Variants in FAM53B observed in about 807,000 individuals in gnomAD.
FAM53B encodes the protein family with sequence similarity 53 member B, also known as protein FAM53B.
A neutral mutation model predicts 32.7 loss-of-function variants in FAM53B; 12 were observed. That is an observed-to-expected ratio of 0.37 (90% CI 0.24 to 0.59). The LOEUF is 0.59. Among genes scored for constraint, FAM53B ranks in the 20% least tolerant of loss-of-function variants. The pLI is 0.72. For synonymous variants in FAM53B, 234 were observed against 228.7 expected (o/e 1.02, Z -0.21); for missense variants, 477 against 577.7 (o/e 0.83, Z 1.79).
At chr10:124,742,208 C>G (rs759184236) in intron 1 of FAM53B, among the ~76,000 whole-genome samples, 2 of 152,216 alleles carry the variant, frequency 1.3e-5, no homozygotes, top group Non-Finnish European at 2.9e-5. Context: ...AGTGCAGACA[C>G]AGAGTCAAGG....
At chr10:124,720,661 C>T (rs1050135498) in intron 1 of FAM53B, among the ~76,000 whole-genome samples, 2 of 152,166 alleles carry the variant, frequency 1.3e-5, no homozygotes, top group Non-Finnish European at 2.9e-5. Context: ...GCCTGCGTGG[C>T]AGGCAACTGT....
At chr10:124,732,251 G>A (rs557978308) in intron 1 of FAM53B, among the ~76,000 whole-genome samples, 74 of 152,304 alleles carry the variant, frequency 4.9e-4, no homozygotes, top group African/African-American at 1.8e-3. Context: ...CTCCAACAGC[G>A]CCCAAAGCCT....
At chr10:124,625,862 C>T (rs1238326306) in intron 4 of FAM53B, among the ~76,000 whole-genome samples, 1 of 152,224 alleles carries the variant, frequency 6.6e-6, no homozygotes, top group Non-Finnish European at 1.5e-5. Flanking sequence ...TAGGGTGAGG[C>T]CAGGATGCGT....
rs528252523 is a variant in FAM53B, at chr10:124,693,624, C to A, written c.133+2534G>T. 1.4e-4 allele frequency among the ~76,000 whole-genome samples: 21 copies of A among 152,218 alleles called. No homozygotes were observed. The South Asian group carries it at 4.4e-3, about 32-fold the overall frequency. On this transcript the variant is annotated intron_variant, in intron 3 of 4. Transcript: ENST00000337318. ...GGGTAAGGCTCCTGACTGCTGACAC[C>A]CGCTCCGCTCCAGCAAGCGCAGGAA...
intron 4 of FAM53B, among the ~76,000 whole-genome samples, chr10:124,649,830 G>C (rs544069806): frequency 1.3e-5 from 2 of 151,986 alleles, no homozygotes; most frequent in Admixed American, 6.6e-5. Flanking sequence ...CCAAATATAC[G>C]TAAGTCCCCA....
intron 3 of FAM53B, among the ~76,000 whole-genome samples, chr10:124,692,930 G>A (rs1310494925): frequency 6.6e-6 from 1 of 152,058 alleles, no homozygotes; most frequent in Non-Finnish European, 1.5e-5. Flanking sequence ...TCCCAGCGAG[G>A]ACCCTGGCAT....
At position 124,648,758 on chromosome 10, in the gene FAM53B, C is replaced by G. The variant is rs577601007; in HGVS notation, c.907-25154G>C. 1.2e-4 allele frequency among the ~76,000 whole-genome samples: 18 copies of G among 152,384 alleles called. No homozygotes were observed. In the East Asian group the frequency reaches 3.5e-3, roughly 29 times the overall value. On this transcript the variant is annotated intron_variant, in intron 4 of 4. Transcript: ENST00000337318. ...CCTACAGATGAAACAGAACTCAGAG[C>G]TAGTCCACCTGTCCCGCCTGTTCGG...
rs1384928054 is a variant in FAM53B, at chr10:124,681,946, T to C, written c.567A>G (p.Arg189=). The change falls in exon 4 of 5, where the codon CGA becomes CGG. Residue 189 remains arginine, a synonymous_variant. Coordinates refer to ENST00000337318, the MANE Select transcript of FAM53B (RefSeq NM_014661.4). ...CCCCTTGGCAGGGCTGCCCTCCAAA[T>C]CGGTGGTGGAGTCCTGCCTGGTCGC... ...SPCDQAGLHH[R]FGGQPCQGVP... is the part of the protein sequence containing the mutation. 6.2e-7 allele frequency: 1 copy of C among 1,613,834 alleles called. No homozygotes were observed. Among genetic ancestry groups the C allele is most frequent in the Non-Finnish European group, 8.5e-7 (1 of 1,179,992 alleles).
chr10:124,645,386 G>A (rs1023950470), intron 4 of FAM53B, among the ~76,000 whole-genome samples: 92 of 152,208 alleles, frequency 6.0e-4, no homozygotes, highest in African/African-American at 2.2e-3. Context: ...AGGCCCTGCT[G>A]AGAGATGCAA....
intron 3 of FAM53B, among the ~76,000 whole-genome samples, chr10:124,691,812 G>A (rs528489603): frequency 6.6e-6 from 1 of 152,336 alleles, no homozygotes; most frequent in Admixed American, 6.5e-5. Context: ...AAGATGTGGA[G>A]GGAGCCTTGA....
At position 124,620,612 on chromosome 10, in the gene FAM53B, C is replaced by T. The variant is rs991777900; in HGVS notation, c.*2630G>A. 1 of 152,288 alleles carries T rather than the reference C, an allele frequency of 6.6e-6. No homozygotes were observed. The highest frequency in any genetic ancestry group is 1.9e-4 in the East Asian group (1 of 5,190). The allele number at this position is 152,288 out of a possible 1,614,324, so 9.4% of individuals were successfully genotyped here. ...ATGTGGGGGGCACCTCCTAGGCGAA[C>T]CTCCCTCCCAGAGGACTGAGATCAG... is the stretch of plus-strand genomic sequence containing the variant. On this transcript the variant is annotated 3_prime_UTR_variant, in exon 5 of 5. Transcript: ENST00000337318.
At chr10:124,696,010 C>T in intron 3 of FAM53B, 148 bp downstream of exon 3, 2 of 679,090 alleles carry the variant, frequency 2.9e-6, no homozygotes, top group East Asian at 2.5e-5. Flanking sequence ...CCGTAGGGGA[C>T]CAAAATAGTT....
intron 1 of FAM53B, among the ~76,000 whole-genome samples, chr10:124,715,715 T>G (rs1950035062): frequency 6.6e-6 from 1 of 152,208 alleles, no homozygotes; most frequent in South Asian, 2.1e-4. Context: ...TCAGCCCAGC[T>G]CAGTCCCAGA....
chr10:124,677,850 C>A (rs1007923897), intron 4 of FAM53B, among the ~76,000 whole-genome samples: 2 of 152,180 alleles, frequency 1.3e-5, no homozygotes, highest in African/African-American at 2.4e-5. Flanking sequence ...TATTTCCACC[C>A]TAGTTTCAAG....
chr10:124,725,772 G>A (rs1950098559), intron 1 of FAM53B, among the ~76,000 whole-genome samples: 2 of 152,248 alleles, frequency 1.3e-5, no homozygotes, highest in South Asian at 2.1e-4. Context: ...CACGGTGAGA[G>A]TGTGAGGACA....
At chr10:124,702,931 C>T (rs1949925448) in intron 2 of FAM53B, among the ~76,000 whole-genome samples, 1 of 152,138 alleles carries the variant, frequency 6.6e-6, no homozygotes, top group South Asian at 2.1e-4. Context: ...AGGTCTGGCA[C>T]CTCCTCCCTT....
At chr10:124,632,432 G>A (rs1206094237) in intron 4 of FAM53B, among the ~76,000 whole-genome samples, 2 of 152,234 alleles carry the variant, frequency 1.3e-5, no homozygotes, top group Non-Finnish European at 2.9e-5. Flanking sequence ...GCGGGGGGCC[G>A]AGGCTAATGT....
chr10:124,687,457 G>T (rs1195129376), intron 3 of FAM53B, among the ~76,000 whole-genome samples: 1 of 152,200 alleles, frequency 6.6e-6, no homozygotes, highest in Non-Finnish European at 1.5e-5. Flanking sequence ...TAGCTATTAT[G>T]AGAATTAAAT....
rs949571874 is a variant in FAM53B, at chr10:124,682,159, G to A, written c.354C>T (p.Ser118=). ...GGCAACTGGACATCTCATCGGAGAA[G>A]GACAGTGAGCGGCACTGGCGCTTGC... The part of the protein sequence containing the change: ...PPSKRQCRSL[S]FSDEMSSCRT... Residue 118 remains serine (S), a synonymous_variant, in exon 4 of 5, where the codon TCC becomes TCT. Transcript: ENST00000337318. This position sits in a 1 kb window ranked among gnomAD's most constrained non-coding sequence, Gnocchi z 5.2. The A allele has an allele frequency of 1.2e-6, 2 of 1,613,616 alleles. No individual in the cohort carries two copies. Among genetic ancestry groups the A allele is most frequent in the South Asian group, 2.2e-5 (2 of 91,000 alleles).
Sources: gnomAD v4.1 joint callset for allele counts (sites outside exome capture counted in the v4.1 genomes callset) on GRCh38, gnomAD v4.1.1 for gene constraint, Gnocchi (gnomAD v3.1) non-coding constraint, MANE v1.5 for transcripts, NCBI Gene and HGNC (gene_info 2026-07-23, HGNC 2026-07-21) for gene names.